ABI3BP: variants seen among roughly 807,000 people sequenced by gnomAD.
ABI3BP encodes the protein ABI family member 3 binding protein, also known as target of Nesh-SH3.
In ABI3BP, 216 loss-of-function variants were observed where a neutral mutation model predicts 268.6. The observed-to-expected ratio is 0.80, with a 90% CI of 0.72 to 0.90. The LOEUF is 0.90. ABI3BP is among the 40% of genes least tolerant of loss of function. ABI3BP has a pLI of 0.00. For missense variants in ABI3BP, 2,090 were observed against 2,182.4 expected (o/e 0.96, Z 0.84); for synonymous variants, 730 against 730.0 (o/e 1.00, Z 0.00).
At position 100,876,706 on chromosome 3, in the gene ABI3BP, G is replaced by A. The variant is rs530923658; in HGVS notation, c.697-146C>T. ...GTTTAATAGTTGCTGGTGGCGGGGCGTGGTGGCTCACACCTGTAATCCCAG... is the reference window on the plus strand; with the variant it reads ...GTTTAATAGTTGCTGGTGGCGGGGCATGGTGGCTCACACCTGTAATCCCAG... On this transcript the variant is annotated intron_variant, in intron 6 of 67. Coordinates refer to ENST00000471714, the MANE Select transcript of ABI3BP (RefSeq NM_001375547.2). The A allele has an allele frequency of 5.0e-4, 337 of 671,774 alleles. 2 individuals carry two copies. Among genetic ancestry groups the A allele is most frequent in the South Asian group, 2.9e-3 (152 of 53,142 alleles). 41.6% of individuals were successfully genotyped at this position (671,774 alleles called of 1,614,324 possible).
At chr3:100,887,897 C>T (rs549064944) in intron 4 of ABI3BP, among the ~76,000 whole-genome samples, 19 of 152,032 alleles carry the variant, frequency 1.2e-4, no homozygotes, top group African/African-American at 3.4e-4. Flanking sequence ...GAAATGAACA[C>T]GTAGACTCTG....
At chr3:100,902,187 G>A (rs138362270) in intron 3 of ABI3BP, among the ~76,000 whole-genome samples, 2 of 152,228 alleles carry the variant, frequency 1.3e-5, no homozygotes, top group East Asian at 3.9e-4. Flanking sequence ...TTAAGAAAAG[G>A]TGAGACATAA....
chr3:100,905,287 G>C (rs539725375), intron 2 of ABI3BP, among the ~76,000 whole-genome samples: 165 of 152,280 alleles, frequency 1.1e-3, no homozygotes, highest in African/African-American at 3.9e-3. Context: ...GGGAAGGATA[G>C]CATTCGGAGA....
At chr3:100,938,019 A>G (rs2067052041) in intron 1 of ABI3BP, among the ~76,000 whole-genome samples, 1 of 152,092 alleles carries the variant, frequency 6.6e-6, no homozygotes, top group Non-Finnish European at 1.5e-5. Context: ...GCTGGAGGCC[A>G]TTATCCTTGG....
At chr3:100,863,907 G>T in intron 12 of ABI3BP, 95 bp downstream of exon 12, 2 of 909,172 alleles carry the variant, frequency 2.2e-6, no homozygotes, top group Non-Finnish European at 3.4e-6. Flanking sequence ...TAAGGGATTG[G>T]GTATAAATTA....
At chr3:100,800,288 A>G (rs185748298) in intron 51 of ABI3BP, among the ~76,000 whole-genome samples, 1 of 151,996 alleles carries the variant, frequency 6.6e-6, no homozygotes, top group Admixed American at 6.6e-5. Context: ...ATGTAATTAT[A>G]TCACTCCCAT....
At chr3:100,985,943 C>T (rs531623516) in intron 1 of ABI3BP, among the ~76,000 whole-genome samples, 14 of 152,268 alleles carry the variant, frequency 9.2e-5, no homozygotes, top group African/African-American at 2.9e-4. Context: ...AGCCATTGAG[C>T]TCTTTGTGGT....
chr3:100,869,994 T>C lies in ABI3BP; in HGVS notation c.911-3038A>G, dbSNP rs768433140. Among the ~76,000 whole-genome samples the C allele has an allele frequency of 3.2e-4, 49 of 152,174 alleles. 1 individual carries two copies. The highest frequency in any genetic ancestry group is 4.1e-4 in the South Asian group (2 of 4,826). ...TTTATATCTCTCATTATTCACACCA[T>C]GTGTTCTTAGAACAAGCTATTATAC... On this transcript the variant is annotated intron_variant, in intron 9 of 67. Transcript: ENST00000471714.
chr3:100,789,113 G>A (rs2097129509), intron 56 of ABI3BP, among the ~76,000 whole-genome samples: 2 of 152,060 alleles, frequency 1.3e-5, no homozygotes, highest in South Asian at 4.1e-4. Context: ...CTTTTCTTCA[G>A]AGAGAAAGAA....
chr3:100,884,271 TA>T (rs201463888), intron 6 of ABI3BP, among the ~76,000 whole-genome samples: 1 of 150,614 alleles, frequency 6.6e-6, no homozygotes, highest in African/African-American at 2.4e-5. Context: ...ACAGACAAGT[TA>T]AAAAAAAGAG....
At chr3:100,914,530 G>A in intron 2 of ABI3BP, 1 of 431,248 alleles carries the variant, frequency 2.3e-6, no homozygotes. Flanking sequence ...TCTGAAGGGA[G>A]CTCACAGCTC....
At chr3:100,900,824 T>C (rs1017843409) in intron 3 of ABI3BP, among the ~76,000 whole-genome samples, 1 of 152,170 alleles carries the variant, frequency 6.6e-6, no homozygotes, top group Non-Finnish European at 1.5e-5. Flanking sequence ...GATGAAGCAA[T>C]TTCCTGAGCT....
chr3:100,840,044 T>C, intron 23 of ABI3BP, 28 bp downstream of exon 23: 1 of 1,518,014 alleles, frequency 6.6e-7, no homozygotes. Flanking sequence ...ACTTTCTATG[T>C]TAATTGGAAC....
Position 100,808,175 on chromosome 3 carries a change from G to A in ABI3BP, c.3668C>T (p.Pro1223Leu), listed in dbSNP as rs867736373. The stretch of plus-strand genomic sequence containing the variant: ...TATATATTTACCTGGTTGTGTTTGT[G>A]GGATTCTTGGGCGTGGTGATGTTTT... ...KPKTSPRPRI[P>L]QTQPVPKVPQ... The change falls in exon 50 of 68, where the codon CCA (proline) becomes CTA (leucine). Residue 1223 changes from proline to leucine, a missense_variant. By Grantham distance (98) the Pro-to-Leu change is moderately conservative. Transcript: ENST00000471714. 6.2e-7 allele frequency: 1 copy of A among 1,611,296 alleles called. No individual in the cohort carries two copies. The highest frequency in any genetic ancestry group is 8.5e-7 in the Non-Finnish European group (1 of 1,178,290).
chr3:100,775,137 CCCCA>C (rs1336679865), intron 60 of ABI3BP, 66 bp downstream of exon 60: 10 of 1,554,082 alleles, frequency 6.4e-6, no homozygotes, highest in Non-Finnish European at 8.7e-6. Context: ...ACTCACCCAT[CCCCA>C]CCAACATTTA....
chr3:100,755,977 GAAAA>G (rs34096849), intron 63 of ABI3BP, among the ~76,000 whole-genome samples: 6,139 of 152,054 alleles, frequency 0.04, 360 homozygotes, highest in African/African-American at 0.13. Flanking sequence ...AAATGAGCAG[GAAAA>G]AAAATTTGAG....
chr3:100,773,141 G>A (rs1410731857), intron 61 of ABI3BP, among the ~76,000 whole-genome samples: 1 of 147,638 alleles, frequency 6.8e-6, no homozygotes, highest in East Asian at 2.0e-4. Context: ...ACCTATTAAA[G>A]AAAGTGAATT....
At chr3:100,873,269 T>A (rs936344638) in intron 9 of ABI3BP, among the ~76,000 whole-genome samples, 26 of 152,332 alleles carry the variant, frequency 1.7e-4, no homozygotes, top group Non-Finnish European at 2.8e-4. Flanking sequence ...CAGGTTTTTT[T>A]AAAAAATTAA....
At chr3:100,887,371 A>G (rs2042468689) in intron 4 of ABI3BP, among the ~76,000 whole-genome samples, 1 of 152,112 alleles carries the variant, frequency 6.6e-6, no homozygotes. Context: ...ATTTACATAA[A>G]TATTCAGACG....
Sources: allele counts gnomAD v4.1 joint callset (sites outside exome capture counted in the v4.1 genomes callset), GRCh38; gene constraint gnomAD v4.1.1; transcripts MANE v1.5; gene names NCBI Gene and HGNC (gene_info 2026-07-23, HGNC 2026-07-21).